Variants in SYNJ2 observed in about 807,000 individuals in gnomAD.
SYNJ2 encodes polyphosphatidylinositol phosphatase SYNJ2.
In SYNJ2, 116 loss-of-function variants were observed where a neutral mutation model predicts 141.3. The observed-to-expected ratio is 0.82, with a 90% CI of 0.71 to 0.96. The LOEUF is 0.96. SYNJ2 is among the 40% of genes least tolerant of loss of function. The probability of loss-of-function intolerance (pLI) is 0.00; values close to 1 mark genes in which losing one functional copy is unlikely to be tolerated. For missense variants in SYNJ2, 1,873 were observed against 1,934.8 expected (o/e 0.97, Z 0.60); for synonymous variants, 745 against 777.7 (o/e 0.96, Z 0.70).
intron 1 of SYNJ2, among the ~76,000 whole-genome samples, chr6:158,012,172 G>A (rs756783258): frequency 2.6e-5 from 4 of 152,162 alleles, no homozygotes; most frequent in African/African-American, 4.8e-5. Context: ...GATGCTGGGG[G>A]AGAGGATGCC....
intron 20 of SYNJ2, among the ~76,000 whole-genome samples, chr6:158,083,164 C>A (rs776691202): frequency 6.6e-6 from 1 of 152,138 alleles, no homozygotes; most frequent in African/African-American, 2.4e-5. Context: ...AACTCCTGAC[C>A]TCAAGGGATC....
At chr6:158,024,362 G>A (rs1387094168) in intron 2 of SYNJ2, among the ~76,000 whole-genome samples, 1 of 152,186 alleles carries the variant, frequency 6.6e-6, no homozygotes, top group Non-Finnish European at 1.5e-5. Context: ...TTGAACCCGG[G>A]AGACAGAGGT....
rs1054058282 is a variant in SYNJ2 at position 158,095,673 on chromosome 6, C to G, written c.3800C>G (p.Pro1267Arg). 1 of 1,613,202 alleles carries G rather than the reference C, an allele frequency of 6.2e-7. No individual in the cohort carries two copies. The stretch of plus-strand genomic sequence containing the variant: ...CAGACTGTCCATTTTACAATCGGGC[C>G]CCCGGAGACAAGCGTTGAGGCCCCT... ...EQQTVHFTIG[P>R]PETSVEAPPV... The change falls in exon 27 of 27, where the codon CCC (proline) becomes CGC (arginine). Residue 1267 changes from proline (P) to arginine (R), a missense_variant. By Grantham distance (103) the Pro-to-Arg change is moderately radical (BLOSUM62 -2). Coordinates refer to ENST00000355585, the MANE Select transcript of SYNJ2 (RefSeq NM_003898.4).
At chr6:158,004,143 C>T (rs1296679860) in intron 1 of SYNJ2, among the ~76,000 whole-genome samples, 1 of 152,154 alleles carries the variant, frequency 6.6e-6, no homozygotes, top group African/African-American at 2.4e-5. Context: ...TGACCCCACA[C>T]GCCATTGTCA....
rs140212200 is a variant in SYNJ2 at position 157,988,523 on chromosome 6, C to G, written c.127+6435C>G. 1.9e-3 allele frequency among the ~76,000 whole-genome samples: 283 copies of G among 152,338 alleles called. 4 individuals are homozygous for G. Among genetic ancestry groups the G allele is most frequent in the African/African-American group, 5.5e-3 (228 of 41,578 alleles). ...TATTCAGGCAGACCTGTCCTGGGCA[C>G]CTGTCCCAGCCCGTGTCTCTCTGCT... is the stretch of plus-strand genomic sequence containing the variant. On this transcript the variant is annotated intron_variant, in intron 1 of 26. Coordinates refer to ENST00000355585, the MANE Select transcript of SYNJ2 (RefSeq NM_003898.4).
At chr6:158,075,087 A>G (rs1410682478) in intron 16 of SYNJ2, among the ~76,000 whole-genome samples, 1 of 151,930 alleles carries the variant, frequency 6.6e-6, no homozygotes, top group East Asian at 2.0e-4. Context: ...GTGTGCCGCC[A>G]CACCTGGCTA....
chr6:158,024,893 C>T (rs1778958330), intron 2 of SYNJ2, among the ~76,000 whole-genome samples: 1 of 150,692 alleles, frequency 6.6e-6, no homozygotes, highest in Non-Finnish European at 1.5e-5. Flanking sequence ...AAGAGGCTCC[C>T]AGAGTTTTAG....
Position 158,084,766 on chromosome 6 carries a change from C to T in SYNJ2, c.3208+592C>T, listed in dbSNP as rs564170322. On this transcript the variant is annotated intron_variant, in intron 22 of 26. Transcript: ENST00000355585. This position sits in a 1 kb window ranked among gnomAD's most constrained non-coding sequence, Gnocchi z 5.0. ...GGCAGAGGCTGCAATGAGCCGAGATCGCCCCACTGCACTCCAGCTTGGGTG... is the reference window on the plus strand; with the variant it reads ...GGCAGAGGCTGCAATGAGCCGAGATTGCCCCACTGCACTCCAGCTTGGGTG... Among the ~76,000 whole-genome samples the T allele has an allele frequency of 3.9e-4, 60 of 152,056 alleles. No individual in the cohort carries two copies. The highest frequency in any genetic ancestry group is 1.4e-3 in the African/African-American group (57 of 41,478).
chr6:158,071,516 G>T lies in SYNJ2; in HGVS notation c.1941-86G>T. On this transcript the variant is annotated intron_variant, in intron 14 of 26. Coordinates refer to ENST00000355585, the MANE Select transcript of SYNJ2 (RefSeq NM_003898.4). The surrounding 1 kb of genome is among the most constrained non-coding windows in gnomAD (Gnocchi z 4.3). Reference sequence around the variant, plus strand: ...GAGCACTCAGAGCAGCAGGTCCCGAGCTGCTGCTGGGCCCTTCTCTGTGGC... The same window carrying T: ...GAGCACTCAGAGCAGCAGGTCCCGATCTGCTGCTGGGCCCTTCTCTGTGGC... 6.8e-7 allele frequency: 1 copy of T among 1,470,554 alleles called. No individual in the cohort carries two copies. The highest frequency in any genetic ancestry group is 9.2e-7 in the Non-Finnish European group (1 of 1,085,822). 91.1% of individuals were successfully genotyped at this position (1,470,554 alleles called of 1,614,324 possible).
At chr6:157,999,993 G>T (rs1392045243) in intron 1 of SYNJ2, among the ~76,000 whole-genome samples, 1 of 150,620 alleles carries the variant, frequency 6.6e-6, no homozygotes, top group Non-Finnish European at 1.5e-5. Context: ...GTGCACCTCG[G>T]CATGCAGTTT....
chr6:158,018,685 G>T (rs1778600535), intron 2 of SYNJ2, among the ~76,000 whole-genome samples: 1 of 152,214 alleles, frequency 6.6e-6, no homozygotes, highest in African/African-American at 2.4e-5. Context: ...TTCGTGCCAA[G>T]AGCTAGCCGT....
rs556767185 is a variant in SYNJ2, at chr6:158,069,043, C to T, written c.1799+315C>T. Among the ~76,000 whole-genome samples the T allele has an allele frequency of 1.2e-4, 19 of 152,150 alleles. No individual in the cohort carries two copies. In the East Asian group the frequency reaches 3.7e-3, roughly 29 times the overall value. ...AGCTGGCATGTGTGGACCTGGGGTG[C>T]AGGGGAAGGGCGGGGCTGGGACTGG... is the stretch of plus-strand genomic sequence containing the variant. On this transcript the variant is annotated intron_variant, in intron 13 of 26. Coordinates refer to ENST00000355585, the MANE Select transcript of SYNJ2 (RefSeq NM_003898.4).
intron 11 of SYNJ2, among the ~76,000 whole-genome samples, chr6:158,066,197 G>A (rs1468378833): frequency 6.6e-6 from 1 of 152,164 alleles, no homozygotes; most frequent in Non-Finnish European, 1.5e-5. Flanking sequence ...CTTCAGTTGG[G>A]GGTAGGGGTA....
chr6:158,003,775 C>T (rs1381607988), intron 1 of SYNJ2, among the ~76,000 whole-genome samples: 1 of 152,162 alleles, frequency 6.6e-6, no homozygotes. Flanking sequence ...CCCACTGAGA[C>T]CAGCCTCTGC....
chr6:158,015,607 G>C (rs1778424422), intron 1 of SYNJ2, among the ~76,000 whole-genome samples: 1 of 152,148 alleles, frequency 6.6e-6, no homozygotes, highest in African/African-American at 2.4e-5. Context: ...CTCTGACCCT[G>C]TCACCAATTG....
intron 2 of SYNJ2, among the ~76,000 whole-genome samples, chr6:158,026,224 T>C (rs1383267300): frequency 1.3e-5 from 2 of 152,180 alleles, no homozygotes; most frequent in Admixed American, 6.5e-5. Flanking sequence ...GCTGGCGACG[T>C]CATCTGCAAG....
At chr6:158,021,091 A>C (rs910072663) in intron 2 of SYNJ2, among the ~76,000 whole-genome samples, 5 of 152,166 alleles carry the variant, frequency 3.3e-5, no homozygotes, top group African/African-American at 1.2e-4. Context: ...AGAAAAAAGA[A>C]CTTATCCCAA....
intron 2 of SYNJ2, chr6:158,028,297 C>G (rs913219994): frequency 2.2e-5 from 4 of 179,768 alleles, no homozygotes; most frequent in Non-Finnish European, 4.8e-5. Context: ...TGGGGGAAGA[C>G]AGACCCCAGG....
rs960862281 is a variant in SYNJ2, at chr6:158,062,132, T to G, written c.1095T>G (p.Asp365Glu). Residue 365 changes from aspartate (D) to glutamate (E), a missense_variant, in exon 8 of 27, where the codon GAT becomes GAG. Asp to Glu is a conservative substitution (Grantham distance 45). Coordinates refer to ENST00000355585, the MANE Select transcript of SYNJ2 (RefSeq NM_003898.4). ...TAAAGCTGCACTGGGAAGACTTCGA[T>G]GTGTTCACAAAGGGGGAGAACGTCA... Reference protein sequence around the residue: ...PQLKLHWEDFDVFTKGENVSP... With the variant: ...PQLKLHWEDFEVFTKGENVSP... The G allele has an allele frequency of 6.2e-7, 1 of 1,613,838 alleles. No homozygotes were observed. The highest frequency in any genetic ancestry group is 8.5e-7 in the Non-Finnish European group (1 of 1,180,002).
Sources: allele counts gnomAD v4.1 joint callset (sites outside exome capture counted in the v4.1 genomes callset), GRCh38; gene constraint gnomAD v4.1.1; non-coding constraint Gnocchi (gnomAD v3.1); transcripts MANE v1.5; gene names NCBI Gene and HGNC (gene_info 2026-07-23, HGNC 2026-07-21).